TBC1D15: variants seen among roughly 807,000 people sequenced by gnomAD.
TBC1D15 encodes the protein TBC1 domain family member 15.
Under a neutral mutation model 95.4 loss-of-function variants are expected in TBC1D15, and 39 were observed. That is an observed-to-expected ratio of 0.41 (90% CI 0.32 to 0.53). The LOEUF is 0.53. Ranked by LOEUF, TBC1D15 falls within the 20% of genes least tolerant of loss-of-function variation. The pLI is 0.29. For synonymous variants in TBC1D15, 258 were observed against 261.3 expected (o/e 0.99, Z 0.12); for missense variants, 733 against 794.3 (o/e 0.92, Z 0.93).
chr12:71,873,749 A>G (rs1893183661), intron 3 of TBC1D15, among the ~76,000 whole-genome samples: 1 of 152,236 alleles, frequency 6.6e-6, no homozygotes, highest in Non-Finnish European at 1.5e-5. Context: ...TAATTTTAGT[A>G]AACCTAGTGG....
At chr12:71,909,753 A>T (rs1050782046) in intron 11 of TBC1D15, among the ~76,000 whole-genome samples, 1 of 152,172 alleles carries the variant, frequency 6.6e-6, no homozygotes, top group Non-Finnish European at 1.5e-5. Flanking sequence ...GCCTACACTG[A>T]AACAAATTTG....
At chr12:71,882,206 T>C (rs1055891656) in intron 4 of TBC1D15, among the ~76,000 whole-genome samples, 2 of 152,162 alleles carry the variant, frequency 1.3e-5, no homozygotes, top group East Asian at 1.9e-4. Flanking sequence ...ATCAGACTTA[T>C]TTAATTATAT....
At chr12:71,871,838 A>C (rs573872993) in intron 1 of TBC1D15, among the ~76,000 whole-genome samples, 1 of 152,394 alleles carries the variant, frequency 6.6e-6, no homozygotes, top group South Asian at 2.1e-4. Flanking sequence ...GATTGTGATT[A>C]TCACGAATCT....
Position 71,852,899 on chromosome 12 carries a change from T to G in TBC1D15, c.30+13088T>G, listed in dbSNP as rs143387618. 5.6e-3 allele frequency among the ~76,000 whole-genome samples: 848 copies of G among 152,318 alleles called. 8 individuals are homozygous for G. Among genetic ancestry groups the G allele is most frequent in the African/African-American group, 0.02 (814 of 41,582 alleles). Reference sequence around the variant, plus strand: ...AACTTTCCCTCATCTTCCTATCTTCTGAGCCCTCCACACTCTTCTGACCTC... The same window carrying G: ...AACTTTCCCTCATCTTCCTATCTTCGGAGCCCTCCACACTCTTCTGACCTC... On this transcript the variant is annotated intron_variant, in intron 1 of 16. Transcript: ENST00000485960.
intron 1 of TBC1D15, among the ~76,000 whole-genome samples, chr12:71,856,526 C>G (rs1430614772): frequency 6.6e-6 from 1 of 152,068 alleles, no homozygotes; most frequent in Non-Finnish European, 1.5e-5. Flanking sequence ...TTGCCAGATT[C>G]CTGATTGTAA....
intron 5 of TBC1D15, among the ~76,000 whole-genome samples, chr12:71,889,409 C>T (rs1896833250): frequency 1.3e-5 from 2 of 152,104 alleles, no homozygotes; most frequent in Non-Finnish European, 2.9e-5. Context: ...TCTCCAAGGC[C>T]CCTCCATACT....
At chr12:71,841,258 T>G (rs1460758808) in intron 1 of TBC1D15, 1 of 152,240 alleles carries the variant, frequency 6.6e-6, no homozygotes, top group Non-Finnish European at 1.5e-5. Context: ...AAAGAATCCT[T>G]GAGGCAATGA....
chr12:71,856,555 T>G (rs1889120782), intron 1 of TBC1D15, among the ~76,000 whole-genome samples: 1 of 152,140 alleles, frequency 6.6e-6, no homozygotes, highest in African/African-American at 2.4e-5. Context: ...GACCTTTACC[T>G]TCTTGGGATA....
intron 12 of TBC1D15, 91 bp downstream of exon 12, chr12:71,914,017 C>A: frequency 1.1e-6 from 1 of 939,810 alleles, no homozygotes; most frequent in Non-Finnish European, 1.5e-6. Context: ...ATTTAGCCAA[C>A]TATGATGGAA....
intron 11 of TBC1D15, among the ~76,000 whole-genome samples, chr12:71,909,918 C>T (rs189146826): frequency 2.9e-4 from 44 of 152,000 alleles, no homozygotes; most frequent in East Asian, 2.5e-3. Flanking sequence ...ACATTAATTC[C>T]ACCCCCTACA....
At chr12:71,868,406 C>T (rs1430724438) in intron 1 of TBC1D15, among the ~76,000 whole-genome samples, 4 of 151,994 alleles carry the variant, frequency 2.6e-5, no homozygotes, top group Non-Finnish European at 5.9e-5. Flanking sequence ...CCACCATGCC[C>T]GGATAATTTT....
intron 1 of TBC1D15, among the ~76,000 whole-genome samples, chr12:71,861,830 ACTTC>A (rs1890441737): frequency 7.5e-6 from 1 of 134,046 alleles, no homozygotes; most frequent in African/African-American, 2.8e-5. Context: ...ATTGCTATAA[ACTTC>A]CTTCTTAATA....
At chr12:71,869,649 G>C (rs1276028202) in intron 1 of TBC1D15, among the ~76,000 whole-genome samples, 2 of 152,160 alleles carry the variant, frequency 1.3e-5, no homozygotes, top group African/African-American at 4.8e-5. Context: ...TACATATGCT[G>C]AACAAGTCTA....
intron 11 of TBC1D15, chr12:71,907,780 T>C (rs1901118871): frequency 6.6e-6 from 1 of 152,248 alleles, no homozygotes; most frequent in Non-Finnish European, 1.5e-5. Flanking sequence ...AGAAAAATAC[T>C]GATTTGATAT....
At chr12:71,870,868 A>G (rs992285160) in intron 1 of TBC1D15, among the ~76,000 whole-genome samples, 2 of 152,314 alleles carry the variant, frequency 1.3e-5, no homozygotes, top group Non-Finnish European at 2.9e-5. Flanking sequence ...AGGAAGATAC[A>G]TACCTATTTA....
intron 1 of TBC1D15, chr12:71,849,395 A>G (rs994346055): frequency 4.3e-6 from 6 of 1,383,004 alleles, no homozygotes; most frequent in African/African-American, 4.3e-5. Context: ...CAGCTGAGCC[A>G]CTTCCCATGA....
chr12:71,922,897 A>G, intron 16 of TBC1D15, 86 bp from the exon 17 acceptor site: 1 of 1,217,754 alleles, frequency 8.2e-7, no homozygotes, highest in Non-Finnish European at 1.2e-6. Context: ...TTCTGGAATC[A>G]ATGTAGTCTT....
intron 1 of TBC1D15, among the ~76,000 whole-genome samples, chr12:71,868,186 CA>C (rs1891881424): frequency 6.7e-6 from 1 of 150,286 alleles, no homozygotes; most frequent in Non-Finnish European, 1.5e-5. Context: ...ATTTGTTCCT[CA>C]AAAAGGGCTG....
intron 4 of TBC1D15, among the ~76,000 whole-genome samples, 183 bp downstream of exon 4, chr12:71,880,790 CAA>C (rs5799056): frequency 6.6e-6 from 1 of 151,824 alleles, no homozygotes; most frequent in Non-Finnish European, 1.5e-5. Flanking sequence ...GTTGTGGCTT[CAA>C]AAAAATATTT....
Sources: allele counts gnomAD v4.1 joint callset (sites outside exome capture counted in the v4.1 genomes callset), GRCh38; gene constraint gnomAD v4.1.1; transcripts MANE v1.5; gene names NCBI Gene and HGNC (gene_info 2026-07-23, HGNC 2026-07-21).